PLEKHN1: variants seen among roughly 807,000 people sequenced by gnomAD.
The protein encoded by PLEKHN1 is pleckstrin homology domain-containing family N member 1.
A neutral mutation model predicts 72.8 loss-of-function variants in PLEKHN1; 68 were observed. The ratio of observed to expected loss-of-function variants is 0.93; its 90% confidence interval spans 0.77 to 1.14. The LOEUF (loss-of-function observed/expected upper bound fraction) is 1.14. Among genes scored for constraint, PLEKHN1 ranks in the 50% most tolerant of loss-of-function variants. The probability of loss-of-function intolerance (pLI) is 0.00; values close to 1 mark genes in which losing one functional copy is unlikely to be tolerated. For synonymous variants in PLEKHN1, 454 were observed against 371.6 expected (o/e 1.22, Z -2.55); for missense variants, 1,015 against 840.5 (o/e 1.21, Z -2.57).
In PLEKHN1 at chr1:974,039, C is replaced by T. The variant is rs28548431; in HGVS notation, c.1641C>T (p.Asp547=). The change falls in exon 14 of 16, where the codon GAC becomes GAT. Residue 547 remains aspartate, a synonymous_variant. Coordinates refer to ENST00000379410, the MANE Select transcript of PLEKHN1 (RefSeq NM_032129.3). ...SAKDGGPQPP[D]APQLVSSARE... ...AGGATGGGGGGCCGCAGCCCCCAGA[C>T]GCCCCTCAGCTTGTGAGTAGCAGCC... 0.18 allele frequency: 285,842 copies of T among 1,585,570 alleles called. 27,428 individuals are homozygous for T. The highest frequency in any genetic ancestry group is 0.2 in the Non-Finnish European group (233,745 of 1,168,792).
Position 970,259 on chromosome 1 carries a change from G to C in PLEKHN1, c.184-18G>C. On this transcript the variant is annotated intron_variant, in intron 2 of 15. Coordinates refer to ENST00000379410, the MANE Select transcript of PLEKHN1 (RefSeq NM_032129.3). The surrounding 1 kb of genome is among the most constrained non-coding windows in gnomAD (Gnocchi z 4.2). ...GGGCCCAGGGGAGGCCCCCTCCCCT[G>C]AGCTCTACTCCTCCTAGGACATCCT... is the stretch of plus-strand genomic sequence containing the variant. 3 of 1,611,552 alleles carry C rather than the reference G, an allele frequency of 1.9e-6. No individual in the cohort carries two copies. Among genetic ancestry groups the C allele is most frequent in the Non-Finnish European group, 2.5e-6 (3 of 1,179,146 alleles).
intron 2 of PLEKHN1, among the ~76,000 whole-genome samples, chr1:968,746 G>A (rs1643133301): frequency 6.6e-6 from 1 of 152,244 alleles, no homozygotes; most frequent in South Asian, 2.1e-4. Context: ...CTTGGAGCAG[G>A]TAATGTCTGA....
In PLEKHN1 at chr1:973,231, G is replaced by A. The variant is rs760249542; in HGVS notation, c.1198G>A (p.Glu400Lys). ...DRASIGRRRT[E>K]LRRSGSSRSP... The stretch of plus-strand genomic sequence containing the variant: ...TGCCAGCATTGGCCGACGGAGGACC[G>A]AGCTGAGACGCAGTGGCAGCAGCCG... The change falls in exon 12 of 16, where the codon GAG becomes AAG. Residue 400 changes from glutamate (E) to lysine (K), a missense_variant. Coordinates refer to ENST00000379410, the MANE Select transcript of PLEKHN1 (RefSeq NM_032129.3). 181 of 1,541,922 alleles carry A rather than the reference G, an allele frequency of 1.2e-4. No individual in the cohort carries two copies. The highest frequency in any genetic ancestry group is 1.5e-4 in the Non-Finnish European group (166 of 1,140,456).
chr1:969,973 G>T (rs1162113563), intron 2 of PLEKHN1, among the ~76,000 whole-genome samples: 1 of 152,140 alleles, frequency 6.6e-6, no homozygotes, highest in Non-Finnish European at 1.5e-5. Context: ...TTCTGTGCCT[G>T]TGGGGGGCTG....
Position 973,833 on chromosome 1 carries a change from T to C in PLEKHN1, c.1435T>C (p.Phe479Leu), listed in dbSNP as rs1303153590. The change falls in exon 14 of 16, where the codon TTC becomes CTC. Residue 479 changes from phenylalanine (F) to leucine (L), a missense_variant and splice_region_variant. Physicochemically the swap from Phe to Leu is conservative, Grantham distance 22. Transcript: ENST00000379410. Reference sequence around the variant, plus strand: ...GCCCCAGCCCTGGCTCTCCCTGCAGTTCCTCAGTGCCATGCAGAGTGCACG... The same window carrying C: ...GCCCCAGCCCTGGCTCTCCCTGCAGCTCCTCAGTGCCATGCAGAGTGCACG... ...RVTDVRGLEE[F>L]LSAMQSARGP... 6.2e-7 allele frequency: 1 copy of C among 1,608,372 alleles called. No homozygotes were observed.
intron 8 of PLEKHN1, 198 bp downstream of exon 8, chr1:971,602 CCT>C: frequency 1.6e-6 from 1 of 619,338 alleles, no homozygotes; most frequent in Non-Finnish European, 2.9e-6. Flanking sequence ...AGGTTCTCAC[CCT>C]GAGGTTCTTG....
chr1:972,980 C>T lies in PLEKHN1; in HGVS notation c.1122C>T (p.Ser374=). Residue 374 remains serine (S), a synonymous_variant, in exon 11 of 16, where the codon TCC becomes TCT. Coordinates refer to ENST00000379410, the MANE Select transcript of PLEKHN1 (RefSeq NM_032129.3). ...SHSLPESSVP[S]TVGCSSQHTP... ...CCCTGCCTGAGTCCTCAGTGCCATC[C>T]ACCGTGGGCTGCTCCTCCCAGCACA... 1 of 1,593,116 alleles carries T rather than the reference C, an allele frequency of 6.3e-7. No homozygotes were observed. The highest frequency in any genetic ancestry group is 8.6e-7 in the Non-Finnish European group (1 of 1,169,514).
chr1:969,060 T>C (rs1643145973), intron 2 of PLEKHN1, among the ~76,000 whole-genome samples: 1 of 152,216 alleles, frequency 6.6e-6, no homozygotes, highest in Non-Finnish European at 1.5e-5. Context: ...TGGCAAACGT[T>C]ACAAATCAGG....
chr1:973,055 T>C, intron 11 of PLEKHN1, 45 bp downstream of exon 11: 1 of 1,569,534 alleles, frequency 6.4e-7, no homozygotes, highest in African/African-American at 1.3e-5. Flanking sequence ...CAGAAGGCTG[T>C]CGGGTAGGTG....
intron 2 of PLEKHN1, among the ~76,000 whole-genome samples, chr1:969,561 C>T (rs1432659531): frequency 2.0e-5 from 3 of 151,082 alleles, no homozygotes; most frequent in Non-Finnish European, 4.4e-5. Context: ...TATGTGTATA[C>T]ATGTGTATGG....
At position 971,700 on chromosome 1, in the gene PLEKHN1, G is replaced by A. The variant is rs113331800; in HGVS notation, c.789+296G>A. Reference sequence around the variant, plus strand: ...GTGCCTGCCCGTGAGGCGTGTGTGTGCACACGTGCGTGTGCGTGTGTCCTC... The same window carrying A: ...GTGCCTGCCCGTGAGGCGTGTGTGTACACACGTGCGTGTGCGTGTGTCCTC... On this transcript the variant is annotated intron_variant, in intron 8 of 15. Coordinates refer to ENST00000379410, the MANE Select transcript of PLEKHN1 (RefSeq NM_032129.3). 2.8e-3 allele frequency among the ~76,000 whole-genome samples: 432 copies of A among 152,338 alleles called. 1 individual carries two copies. Among genetic ancestry groups the A allele is most frequent in the African/African-American group, 9.9e-3 (412 of 41,586 alleles).
chr1:973,205 G>T lies in PLEKHN1; in HGVS notation c.1172G>T (p.Arg391Leu), dbSNP rs76884838. ...QHTPDQANSD[R>L]ASIGRRRTEL... ...CCACAGGACCAGGCCAACTCTGACCGTGCCAGCATTGGCCGACGGAGGACC... is the reference window on the plus strand; with the variant it reads ...CCACAGGACCAGGCCAACTCTGACCTTGCCAGCATTGGCCGACGGAGGACC... Residue 391 changes from arginine to leucine, a missense_variant, in exon 12 of 16, where the codon CGT becomes CTT. Arg to Leu is a moderately radical substitution (Grantham distance 102). Coordinates refer to ENST00000379410, the MANE Select transcript of PLEKHN1 (RefSeq NM_032129.3). The T allele has an allele frequency of 2.0e-6, 3 of 1,534,652 alleles. No homozygotes were observed. The highest frequency in any genetic ancestry group is 4.9e-5 in the East Asian group (2 of 40,488).
At position 973,896 on chromosome 1, in the gene PLEKHN1, G is replaced by A. The variant is rs200094371; in HGVS notation, c.1498G>A (p.Val500Met). Residue 500 changes from valine to methionine, a missense_variant, in exon 14 of 16, where the codon GTG (valine) becomes ATG (methionine). Transcript: ENST00000379410. ...CTCGAGCCCACTCCCCTCGGTGCCT[G>A]TGTCTGTGCCTGCCTCTGACCCTCG... ...TPSSPLPSVP[V>M]SVPASDPRSC... 6.2e-7 allele frequency: 1 copy of A among 1,611,252 alleles called. No individual in the cohort carries two copies. Among genetic ancestry groups the A allele is most frequent in the East Asian group, 2.2e-5 (1 of 44,880 alleles).
In PLEKHN1 at chr1:973,198, T is replaced by C. The variant is rs747115705; in HGVS notation, c.1165T>C (p.Ser389Pro). The C allele has an allele frequency of 1.3e-6, 2 of 1,531,022 alleles. No homozygotes were observed. The highest frequency in any genetic ancestry group is 1.2e-5 in the South Asian group (1 of 82,672). 94.8% of individuals were successfully genotyped at this position (1,531,022 alleles called of 1,614,324 possible). ...SSQHTPDQAN[S>P]DRASIGRRRT... ...GTGGTCCCCACAGGACCAGGCCAAC[T>C]CTGACCGTGCCAGCATTGGCCGACG... The change falls in exon 12 of 16, where the codon TCT becomes CCT. Residue 389 changes from serine (S) to proline (P), a missense_variant. Coordinates refer to ENST00000379410, the MANE Select transcript of PLEKHN1 (RefSeq NM_032129.3).
chr1:971,303 A>AGC, intron 7 of PLEKHN1, 21 bp from the exon 8 acceptor site: 26 of 1,495,024 alleles, frequency 1.7e-5, no homozygotes, highest in Non-Finnish European at 2.3e-5. Flanking sequence ...TCATCGCCTG[A>AGC]CCCCACCCCC....
chr1:971,333 G>A lies in PLEKHN1; in HGVS notation c.718G>A (p.Asp240Asn), dbSNP rs1643317762. 2 of 1,579,996 alleles carry A rather than the reference G, an allele frequency of 1.3e-6. No individual in the cohort carries two copies. Among genetic ancestry groups the A allele is most frequent in the Admixed American group, 1.8e-5 (1 of 56,620 alleles). Residue 240 changes from aspartate to asparagine, a missense_variant, in exon 8 of 16, where the codon GAC (aspartate) becomes AAC (asparagine). Transcript: ENST00000379410. ...ACCCCCACCCACCCAGGAGCAGTGGGACCGGCTCTTGGTCCTGTACCCAAC... is the reference window on the plus strand; with the variant it reads ...ACCCCCACCCACCCAGGAGCAGTGGAACCGGCTCTTGGTCCTGTACCCAAC... ...LQHLPAQEQW[D>N]RLLVLYPTSL... is the part of the protein sequence containing the mutation.
chr1:972,427 G>A lies in PLEKHN1; in HGVS notation c.1002+3G>A, dbSNP rs1192506418. 3.8e-5 allele frequency: 60 copies of A among 1,564,694 alleles called. No individual in the cohort carries two copies. Among genetic ancestry groups the A allele is most frequent in the Non-Finnish European group, 5.0e-5 (58 of 1,158,858 alleles). ...CCGAGAGCTTCCCAGGGTCGCAGGT[G>A]AGGGGTCAATAGGCCCCACAGCCCA... On this transcript the variant is annotated splice_donor_region_variant and intron_variant, in intron 10 of 15. Coordinates refer to ENST00000379410, the MANE Select transcript of PLEKHN1 (RefSeq NM_032129.3).
At chr1:972,466 G>A (rs1643390053) in intron 10 of PLEKHN1, 42 bp downstream of exon 10, 1 of 1,508,294 alleles carries the variant, frequency 6.6e-7, no homozygotes. Flanking sequence ...CCTGGGCAGT[G>A]GTAAAAAGGG....
In PLEKHN1 at chr1:974,630, G is replaced by A; in HGVS notation, c.*55G>A. The A allele has an allele frequency of 1.9e-6, 3 of 1,552,548 alleles. No homozygotes were observed. The highest frequency in any genetic ancestry group is 2.4e-5 in the East Asian group (1 of 42,232). On this transcript the variant is annotated 3_prime_UTR_variant, in exon 16 of 16. Coordinates refer to ENST00000379410, the MANE Select transcript of PLEKHN1 (RefSeq NM_032129.3). ...ACCCTCGCCAAGCTCCAGGGTACCT[G>A]CCCCTCTAACCCACTTCAAATTACA...
Sources: gnomAD v4.1 joint callset for allele counts (sites outside exome capture counted in the v4.1 genomes callset) on GRCh38, gnomAD v4.1.1 for gene constraint, Gnocchi (gnomAD v3.1) non-coding constraint, MANE v1.5 for transcripts, NCBI Gene and HGNC (gene_info 2026-07-23, HGNC 2026-07-21) for gene names.